AGBL4: variants seen among roughly 807,000 people sequenced by gnomAD.
AGBL4 encodes the protein AGBL carboxypeptidase 4.
AGBL4 carries 58 observed loss-of-function variants against 66.4 expected under a neutral mutation model. The observed-to-expected ratio is 0.87, with a 90% CI of 0.71 to 1.09. AGBL4 has a LOEUF of 1.09. Ranked by LOEUF, AGBL4 falls within the 50% of genes least tolerant of loss-of-function variation. The pLI, the probability that AGBL4 is intolerant of heterozygous loss-of-function variation, is 0.00. For missense variants in AGBL4, 579 were observed against 631.0 expected (o/e 0.92, Z 0.88); for synonymous variants, 234 against 222.9 (o/e 1.05, Z -0.44).
chr1:49,042,475 G>T (rs1643968727), intron 5 of AGBL4, among the ~76,000 whole-genome samples: 1 of 152,164 alleles, frequency 6.6e-6, no homozygotes, highest in African/African-American at 2.4e-5. Flanking sequence ...TCAGAACAAA[G>T]ACTTCATTTC....
At chr1:49,861,004 A>C (rs1208159980) in intron 1 of AGBL4, among the ~76,000 whole-genome samples, 1 of 152,094 alleles carries the variant, frequency 6.6e-6, no homozygotes, top group Non-Finnish European at 1.5e-5. Context: ...AGAGGGGGAG[A>C]ACACAGTAAT....
chr1:49,775,814 C>T (rs1319810562), intron 2 of AGBL4, among the ~76,000 whole-genome samples: 2 of 151,806 alleles, frequency 1.3e-5, no homozygotes, highest in African/African-American at 4.8e-5. Flanking sequence ...TAATAATATA[C>T]AGAATATTAC....
intron 9 of AGBL4, among the ~76,000 whole-genome samples, chr1:48,595,484 T>C (rs1361460037): frequency 6.6e-6 from 1 of 152,240 alleles, no homozygotes; most frequent in Non-Finnish European, 1.5e-5. Context: ...GTCACAAATG[T>C]AGGGCCCTGA....
intron 3 of AGBL4, among the ~76,000 whole-genome samples, chr1:49,305,109 A>T (rs1012113638): frequency 5.9e-5 from 9 of 152,194 alleles, no homozygotes; most frequent in Admixed American, 5.2e-4. Context: ...CAGAGCTGAT[A>T]CATGAACCCA....
At chr1:48,856,751 C>T (rs1007808048) in intron 6 of AGBL4, among the ~76,000 whole-genome samples, 12 of 152,074 alleles carry the variant, frequency 7.9e-5, no homozygotes, top group East Asian at 7.7e-4. Flanking sequence ...ATTTGCAGTA[C>T]GGAATAAACC....
chr1:49,547,659 A>G (rs370509562), intron 3 of AGBL4, among the ~76,000 whole-genome samples: 2 of 152,018 alleles, frequency 1.3e-5, no homozygotes, highest in East Asian at 3.9e-4. Flanking sequence ...TGTGTAGTCT[A>G]TGATTTCTTT....
intron 1 of AGBL4, among the ~76,000 whole-genome samples, chr1:49,925,955 C>T (rs1652724830): frequency 3.3e-5 from 5 of 152,174 alleles, no homozygotes; most frequent in African/African-American, 7.2e-5. Context: ...GAGAACTTGC[C>T]ACCCTGAAGG....
intron 3 of AGBL4, among the ~76,000 whole-genome samples, chr1:49,657,910 A>C (rs1646178900): frequency 6.6e-6 from 1 of 152,178 alleles, no homozygotes. Context: ...AACCCTAGAA[A>C]AAAACCTAGG....
At position 48,981,767 on chromosome 1, in the gene AGBL4, C is replaced by A. The variant is rs144137202; in HGVS notation, c.594+63817G>T. ...AGGCGTGGTAGTGCGTGCTTGGAAT[C>A]TACTACTGTAATCAGCTACTCTGGA... On this transcript the variant is annotated intron_variant, in intron 5 of 13. Coordinates refer to ENST00000371839, the MANE Select transcript of AGBL4 (RefSeq NM_032785.4). Among the ~76,000 whole-genome samples, 20 of 152,210 alleles carry A rather than the reference C, an allele frequency of 1.3e-4. No homozygotes were observed. In the East Asian group the frequency reaches 3.9e-3, roughly 29 times the overall value.
At chr1:48,553,560 GT>G (rs779525056) in intron 11 of AGBL4, among the ~76,000 whole-genome samples, 4 of 152,080 alleles carry the variant, frequency 2.6e-5, no homozygotes, top group Non-Finnish European at 4.4e-5. Flanking sequence ...GCTTGCCGAT[GT>G]TTTGAAACAT....
At chr1:48,830,586 A>G (rs762488696) in intron 6 of AGBL4, among the ~76,000 whole-genome samples, 1 of 152,240 alleles carries the variant, frequency 6.6e-6, no homozygotes, top group Non-Finnish European at 1.5e-5. Flanking sequence ...CAAATGGTTT[A>G]GATGCTCAAT....
intron 3 of AGBL4, among the ~76,000 whole-genome samples, chr1:49,513,750 T>C: frequency 6.6e-6 from 1 of 152,052 alleles, no homozygotes; most frequent in East Asian, 1.9e-4. Flanking sequence ...GGTGTTACTA[T>C]AAATGACTAT....
At chr1:49,107,692 TGTGAGAGA>T (rs779263395) in intron 4 of AGBL4, among the ~76,000 whole-genome samples, 12,509 of 116,718 alleles carry the variant, frequency 0.11, 677 homozygotes, top group Non-Finnish European at 0.16. Flanking sequence ...TGTGTGTGTG[TGTGAGAGA>T]GAGAGAGAGA....
chr1:48,533,287 T>C lies in AGBL4; in HGVS notation c.*886A>G, dbSNP rs1450703884. On this transcript the variant is annotated 3_prime_UTR_variant, in exon 14 of 14. Transcript: ENST00000371839. ...CTTCACAAAAATGCCAATATTTAGC[T>C]TGCCACACCTTGGGAATTGCTACTA... The C allele has an allele frequency of 6.6e-6, 1 of 152,172 alleles. No homozygotes were observed. The highest frequency in any genetic ancestry group is 1.5e-5 in the Non-Finnish European group (1 of 68,052). The allele number at this position is 152,172 out of a possible 1,614,324, so 9.4% of individuals were successfully genotyped here.
At chr1:48,568,340 TG>T (rs945040628) in intron 11 of AGBL4, among the ~76,000 whole-genome samples, 7 of 152,116 alleles carry the variant, frequency 4.6e-5, no homozygotes. Context: ...GTGGCTGGTT[TG>T]ACTGATCTAG....
chr1:49,272,720 T>A (rs1403776802), intron 3 of AGBL4, among the ~76,000 whole-genome samples: 1 of 152,112 alleles, frequency 6.6e-6, no homozygotes, highest in African/African-American at 2.4e-5. Flanking sequence ...TAACTAAAAT[T>A]TTAAAATAAA....
Position 49,938,927 on chromosome 1 carries a change from C to T in AGBL4, c.34+84836G>A, listed in dbSNP as rs193218076. On this transcript the variant is annotated intron_variant, in intron 1 of 13. Coordinates refer to ENST00000371839, the MANE Select transcript of AGBL4 (RefSeq NM_032785.4). ...AAGTCAAATTGTCCCTCTTTGCAGA[C>T]GACATGATTGTATATCTAGAAAACC... Among the ~76,000 whole-genome samples the T allele has an allele frequency of 6.8e-3, 1,040 of 152,024 alleles. 7 individuals are homozygous for T. The highest frequency in any genetic ancestry group is 0.023 in the African/African-American group (948 of 41,470).
intron 6 of AGBL4, among the ~76,000 whole-genome samples, chr1:48,794,078 GA>G (rs1295862121): frequency 6.6e-6 from 1 of 152,176 alleles, no homozygotes; most frequent in Non-Finnish European, 1.5e-5. Flanking sequence ...TAGGGAGTTT[GA>G]AAAGGTGGTT....
At chr1:48,675,518 G>T (rs758959484) in intron 6 of AGBL4, among the ~76,000 whole-genome samples, 4 of 152,234 alleles carry the variant, frequency 2.6e-5, no homozygotes, top group Non-Finnish European at 4.4e-5. Context: ...TATGAAATCT[G>T]CATGGGAAGC....
Sources: gnomAD v4.1 joint callset for allele counts (sites outside exome capture counted in the v4.1 genomes callset) on GRCh38, gnomAD v4.1.1 for gene constraint, MANE v1.5 for transcripts, NCBI Gene and HGNC (gene_info 2026-07-23, HGNC 2026-07-21) for gene names.